The following ZNF281 variants were observed in gnomAD, a reference collection of about 807,000 sequenced individuals.
The protein encoded by ZNF281 is zinc finger protein 281.
ZNF281 carries 2 observed loss-of-function variants against 58.8 expected under a neutral mutation model. That is an observed-to-expected ratio of 0.03 (90% CI 0.01 to 0.11). ZNF281 has a LOEUF of 0.11. Among genes scored for constraint, ZNF281 ranks in the 10% least tolerant of loss-of-function variants. The pLI, the probability that ZNF281 is intolerant of heterozygous loss-of-function variation, is 1.00. For missense variants in ZNF281, 975 were observed against 1,090.7 expected, an observed-to-expected ratio of 0.89 and a Z score of 1.49; for synonymous variants, 465 against 407.7, an observed-to-expected ratio of 1.14 and a Z score of -1.69.
At position 200,407,472 on chromosome 1, in the gene ZNF281, G is replaced by C; in HGVS notation, c.2234C>G (p.Pro745Arg). The C allele has an allele frequency of 6.2e-7, 1 of 1,614,168 alleles. No homozygotes were observed. Among genetic ancestry groups the C allele is most frequent in the Non-Finnish European group, 8.5e-7 (1 of 1,180,032 alleles). Residue 745 changes from proline (P) to arginine (R), a missense_variant, in exon 2 of 2, where the codon CCA (proline) becomes CGA (arginine). By Grantham distance (103) the Pro-to-Arg change is moderately radical. Around this residue, in one of 3 missense-constraint regions of ZNF281, gnomAD observed 579 missense variants for 608.9 expected, o/e 0.95. Coordinates refer to ENST00000367353, the MANE Select transcript of ZNF281 (RefSeq NM_001281293.2). Reference sequence around the variant, plus strand: ...ATCCAAAGCAGACAAATAAAGACCTGGCTGAGATCCAAACAACATCCCAAA... The same window carrying C: ...ATCCAAAGCAGACAAATAAAGACCTCGCTGAGATCCAAACAACATCCCAAA... ...PPFGMLFGSQ[P>R]GLYLSALDAT...
At position 200,408,098 on chromosome 1, in the gene ZNF281, C is replaced by T; in HGVS notation, c.1608G>A (p.Gln536=). The change falls in exon 2 of 2, where the codon CAG becomes CAA. Residue 536 remains glutamine, a synonymous_variant. Coordinates refer to ENST00000367353, the MANE Select transcript of ZNF281 (RefSeq NM_001281293.2). ...GTAAATATCTTCTTTTCTTTGAAAA[C>T]TGCATGGCATCATCATAATTACTAC... ...QISSNYDDAM[Q]FSKKRRYLPT... 1.2e-6 allele frequency: 2 copies of T among 1,614,184 alleles called. No homozygotes were observed. The highest frequency in any genetic ancestry group is 1.1e-5 in the South Asian group (1 of 91,080).
Position 200,406,813 on chromosome 1 carries a change from A to G in ZNF281, c.*205T>C. Reference sequence around the variant, plus strand: ...ACATTGTCACTTTGAATGTCAAACTATTTTTAATCTATTGATTTTGATTAA... The same window carrying G: ...ACATTGTCACTTTGAATGTCAAACTGTTTTTAATCTATTGATTTTGATTAA... On this transcript the variant is annotated 3_prime_UTR_variant, in exon 2 of 2. Coordinates refer to ENST00000367353, the MANE Select transcript of ZNF281 (RefSeq NM_001281293.2). 1 of 476,216 alleles carries G rather than the reference A, an allele frequency of 2.1e-6. No individual in the cohort carries two copies. Among genetic ancestry groups the G allele is most frequent in the Middle Eastern group, 5.5e-4 (1 of 1,810 alleles). 29.5% of individuals were successfully genotyped at this position (476,216 alleles called of 1,614,324 possible).
In ZNF281 at chr1:200,406,806, T is replaced by C. The variant is rs1039095054; in HGVS notation, c.*212A>G. 4.4e-6 allele frequency: 2 copies of C among 450,864 alleles called. No homozygotes were observed. The highest frequency in any genetic ancestry group is 4.0e-5 in the African/African-American group (2 of 49,560). 27.9% of individuals were successfully genotyped at this position (450,864 alleles called of 1,614,324 possible). On this transcript the variant is annotated 3_prime_UTR_variant, in exon 2 of 2. Coordinates refer to ENST00000367353, the MANE Select transcript of ZNF281 (RefSeq NM_001281293.2). ...TTGCTAAACATTGTCACTTTGAATG[T>C]CAAACTATTTTTAATCTATTGATTT... is the stretch of plus-strand genomic sequence containing the variant.
At position 200,406,912 on chromosome 1, in the gene ZNF281, AT is replaced by A; in HGVS notation, c.*105del. 9.2e-7 allele frequency: 1 copy of A among 1,085,600 alleles called. No individual in the cohort carries two copies. The highest frequency in any genetic ancestry group is 1.6e-5 in the African/African-American group (1 of 63,516). 67.2% of individuals were successfully genotyped at this position (1,085,600 alleles called of 1,614,324 possible). ...ATATGAAAAGTTGCATTGAAAGGGC[AT>A]CACATTATTCTTAATAGGATCGTGT... On this transcript the variant is annotated 3_prime_UTR_variant, in exon 2 of 2. Transcript: ENST00000367353.
At position 200,408,962 on chromosome 1, in the gene ZNF281, A is replaced by G; in HGVS notation, c.744T>C (p.Asp248=). Residue 248 remains aspartate, a synonymous_variant, in exon 2 of 2, where the codon GAT becomes GAC. Coordinates refer to ENST00000367353, the MANE Select transcript of ZNF281 (RefSeq NM_001281293.2). ...TTGGGGAGAGGATGGCACCTTCTCC[A>G]TCTCCAACCAAAGAAGGTTTGGAAG... ...SASSKPSLVG[D]GEGAILSPSQ... 6.2e-7 allele frequency: 1 copy of G among 1,614,238 alleles called. No homozygotes were observed.
chr1:200,407,115 G>A lies in ZNF281; in HGVS notation c.2591C>T (p.Ser864Leu). 1 of 1,614,166 alleles carries A rather than the reference G, an allele frequency of 6.2e-7. No homozygotes were observed. Among genetic ancestry groups the A allele is most frequent in the African/African-American group, 1.3e-5 (1 of 75,038 alleles). ...TGTATACCCTGAGAAATCTGACACT[G>A]AAGTCCTTACTCTATGGTCCACTTC... ...NGEVDHRVRT[S>L]VSDFSGYTNM... The change falls in exon 2 of 2, where the codon TCA becomes TTA. Residue 864 changes from serine (S) to leucine (L), a missense_variant. Physicochemically the swap from Ser to Leu is moderately radical, Grantham distance 145. Around this residue, in one of 3 missense-constraint regions of ZNF281, gnomAD observed 579 missense variants for 608.9 expected, o/e 0.95. Transcript: ENST00000367353.
chr1:200,409,467 G>A lies in ZNF281; in HGVS notation c.239C>T (p.Ser80Phe), dbSNP rs1019226827. 6.5e-7 allele frequency: 1 copy of A among 1,544,206 alleles called. No individual in the cohort carries two copies. Among genetic ancestry groups the A allele is most frequent in the Admixed American group, 2.0e-5 (1 of 50,640 alleles). Residue 80 changes from serine to phenylalanine, a missense_variant, in exon 2 of 2, where the codon TCC becomes TTC. Transcript: ENST00000367353. ...AAPPPQCVLS[S>F]STSAAPAAEP... ...AGCGGCCGGGGCTGCGGAGGTAGAG[G>A]AGGATAACACGCATTGCGGGGGAGG...
chr1:200,409,113 C>G lies in ZNF281; in HGVS notation c.593G>C (p.Ser198Thr), dbSNP rs148334268. Residue 198 changes from serine (S) to threonine (T), a missense_variant, in exon 2 of 2, where the codon AGC (serine) becomes ACC (threonine). This residue lies in a region of ZNF281 where 370 missense variants were observed against 360.9 expected (regional missense o/e 1.03). Coordinates refer to ENST00000367353, the MANE Select transcript of ZNF281 (RefSeq NM_001281293.2). ...GTGGTCATCAGTCCTGCTACTGCTGCTGAGTAATACGTCACGGTGGTGCTG... is the reference window on the plus strand; with the variant it reads ...GTGGTCATCAGTCCTGCTACTGCTGGTGAGTAATACGTCACGGTGGTGCTG... ...PAQHHRDVLL[S>T]SSSRTDDHHG... The G allele has an allele frequency of 1.9e-6, 3 of 1,614,192 alleles. No individual in the cohort carries two copies. Among genetic ancestry groups the G allele is most frequent in the Non-Finnish European group, 2.5e-6 (3 of 1,180,036 alleles).
rs937096000 is a variant in ZNF281, at chr1:200,406,844, A to G, written c.*174T>C. 87 of 553,334 alleles carry G rather than the reference A, an allele frequency of 1.6e-4. No individual in the cohort carries two copies. Among genetic ancestry groups the G allele is most frequent in the Non-Finnish European group, 1.7e-4 (57 of 336,220 alleles). The allele number at this position is 553,334 out of a possible 1,614,324, so 34.3% of individuals were successfully genotyped here. A position where few individuals can be genotyped will look rare whatever the true frequency, so the allele number is the denominator to read the frequency against. On this transcript the variant is annotated 3_prime_UTR_variant, in exon 2 of 2. Coordinates refer to ENST00000367353, the MANE Select transcript of ZNF281 (RefSeq NM_001281293.2). The stretch of plus-strand genomic sequence containing the variant: ...AATCTATTGATTTTGATTAAAAATC[A>G]TAATACAAACAGAGCTAAAATCACG...
rs765415988 is a variant in ZNF281 at position 200,409,082 on chromosome 1, G to A, written c.624C>T (p.Gly208=). 6.2e-7 allele frequency: 1 copy of A among 1,614,150 alleles called. No individual in the cohort carries two copies. The highest frequency in any genetic ancestry group is 1.1e-5 in the South Asian group (1 of 91,074). The change falls in exon 2 of 2, where the codon GGC becomes GGT. Residue 208 remains glycine (G), a synonymous_variant. Coordinates refer to ENST00000367353, the MANE Select transcript of ZNF281 (RefSeq NM_001281293.2). ...TAGTGTCCTGCTTTGGCTCCTCAGT[G>A]CCATGGTGGTCATCAGTCCTGCTAC... ...SSSSRTDDHH[G]TEEPKQDTNV... is the part of the protein sequence containing the mutation.
chr1:200,406,524 T>C lies in ZNF281; in HGVS notation c.*494A>G, dbSNP rs1654454117. On this transcript the variant is annotated 3_prime_UTR_variant, in exon 2 of 2. Coordinates refer to ENST00000367353, the MANE Select transcript of ZNF281 (RefSeq NM_001281293.2). ...TGTCTATCAGCCCAGATAGAGCAATTTGAAATGTTTTCGATCCCTTACTTA... is the reference window on the plus strand; with the variant it reads ...TGTCTATCAGCCCAGATAGAGCAATCTGAAATGTTTTCGATCCCTTACTTA... 6.5e-6 allele frequency: 1 copy of C among 153,028 alleles called. No homozygotes were observed. The highest frequency in any genetic ancestry group is 1.5e-5 in the Non-Finnish European group (1 of 68,372). 9.5% of individuals were successfully genotyped at this position (153,028 alleles called of 1,614,324 possible).
At position 200,409,948 on chromosome 1, in the gene ZNF281, G is replaced by A; in HGVS notation, c.-21C>T. ...CTGGACCCACCGGCAATACTTACGG[G>A]TCCCGCCGCCGCCGCAGCCGCCGTC... On this transcript the variant is annotated splice_region_variant and 5_prime_UTR_variant, in exon 1 of 2. Coordinates refer to ENST00000367353, the MANE Select transcript of ZNF281 (RefSeq NM_001281293.2). The A allele has an allele frequency of 2.4e-6, 1 of 414,064 alleles. No individual in the cohort carries two copies. The highest frequency in any genetic ancestry group is 4.1e-6 in the Non-Finnish European group (1 of 241,844). 25.6% of individuals were successfully genotyped at this position (414,064 alleles called of 1,614,324 possible). A position where few individuals can be genotyped will look rare whatever the true frequency, so the allele number is the denominator to read the frequency against.
rs1439453525 is a variant in ZNF281 at position 200,409,297 on chromosome 1, C to T, written c.409G>A (p.Glu137Lys). 6.2e-7 allele frequency: 1 copy of T among 1,607,742 alleles called. No homozygotes were observed. Among genetic ancestry groups the T allele is most frequent in the East Asian group, 2.2e-5 (1 of 44,594 alleles). ...TGATGGTGGTGGTGGGACTGCTGCT[C>T]CTCAGGATCCGCGGGTTTCTCCTGT... ...IKQEKPADPE[E>K]QQSHHHHHHH... The change falls in exon 2 of 2, where the codon GAG becomes AAG. Residue 137 changes from glutamate to lysine, a missense_variant. Around this residue, in one of 3 missense-constraint regions of ZNF281, gnomAD observed 370 missense variants for 360.9 expected, o/e 1.03. Transcript: ENST00000367353.
At chr1:200,409,779 C>T in intron 1 of ZNF281, 56 bp from the exon 2 acceptor site, 2 of 1,512,470 alleles carry the variant, frequency 1.3e-6, no homozygotes, top group Admixed American at 2.1e-5. Flanking sequence ...AACCGGGCCC[C>T]GGGCCGGGAC....
At position 200,407,521 on chromosome 1, in the gene ZNF281, G is replaced by A; in HGVS notation, c.2185C>T (p.Pro729Ser). ...GFGQSVTSVLPSSLPKPPFGM... is the reference protein window; with the variant it reads ...GFGQSVTSVLSSSLPKPPFGM... ...AAAGGAGGCTTTGGCAATGAAGATG[G>A]CAACACTGAGGTAACAGATTGGCCG... Residue 729 changes from proline (P) to serine (S), a missense_variant, in exon 2 of 2, where the codon CCA becomes TCA. Transcript: ENST00000367353. 1 of 1,614,198 alleles carries A rather than the reference G, an allele frequency of 6.2e-7. No homozygotes were observed. The highest frequency in any genetic ancestry group is 1.1e-5 in the South Asian group (1 of 91,090).
Position 200,409,658 on chromosome 1 carries a change from ACTG to A in ZNF281, c.45_47del (p.Ser17del). 3 of 1,557,198 alleles carry A rather than the reference ACTG, an allele frequency of 1.9e-6. No homozygotes were observed. The highest frequency in any genetic ancestry group is 2.6e-6 in the Non-Finnish European group (3 of 1,153,748). On this transcript the variant is annotated inframe_deletion, in exon 2 of 2. Transcript: ENST00000367353. Reference sequence around the variant, plus strand: ...CGCCGCCGGAGCCGCTACCACCGCTACTGCCGGTACCTCCGCCGCCACTCAGGA... The same window carrying A: ...CGCCGCCGGAGCCGCTACCACCGCTACCGGTACCTCCGCCGCCACTCAGGA...
rs1463507611 is a variant in ZNF281, at chr1:200,406,541, C to T, written c.*477G>A. On this transcript the variant is annotated 3_prime_UTR_variant, in exon 2 of 2. Transcript: ENST00000367353. Reference sequence around the variant, plus strand: ...AGAGCAATTTGAAATGTTTTCGATCCCTTACTTAAATGATGAAATGTATAT... The same window carrying T: ...AGAGCAATTTGAAATGTTTTCGATCTCTTACTTAAATGATGAAATGTATAT... The T allele has an allele frequency of 6.5e-6, 1 of 152,928 alleles. No individual in the cohort carries two copies. The highest frequency in any genetic ancestry group is 2.4e-5 in the African/African-American group (1 of 41,434). The allele number at this position is 152,928 out of a possible 1,614,324, so 9.5% of individuals were successfully genotyped here.
Position 200,408,887 on chromosome 1 carries a change from G to A in ZNF281, c.819C>T (p.Ser273=), listed in dbSNP as rs773413652. ...CDHCSAAFRS[S]YHLRRHVLIH... ...TGAGGACATGTCTCCGCAGGTGATA[G>A]GAGCTTCGGAAAGCAGCACTACAGT... is the stretch of plus-strand genomic sequence containing the variant. Residue 273 remains serine (S), a synonymous_variant, in exon 2 of 2, where the codon TCC becomes TCT. Transcript: ENST00000367353. 4 of 1,614,246 alleles carry A rather than the reference G, an allele frequency of 2.5e-6. No individual in the cohort carries two copies. In the East Asian group the frequency reaches 6.7e-5, roughly 27 times the overall value.
chr1:200,407,579 T>C lies in ZNF281; in HGVS notation c.2127A>G (p.Gln709=). 6 of 1,614,230 alleles carry C rather than the reference T, an allele frequency of 3.7e-6. No homozygotes were observed. The highest frequency in any genetic ancestry group is 2.2e-5 in the East Asian group (1 of 44,890). ...LHNHTLFPEK[Q]IYTTSPLECG... is the part of the protein sequence containing the mutation. ...ACTCCAAAGGAGACGTAGTGTATAT[T>C]TGTTTTTCTGGAAACAAAGTGTGGT... Residue 709 remains glutamine, a synonymous_variant, in exon 2 of 2, where the codon CAA becomes CAG. Transcript: ENST00000367353.
Sources: gnomAD v4.1 joint callset for allele counts on GRCh38, gnomAD v4.1.1 for gene constraint, gnomAD v4.1.1 regional missense constraint, MANE v1.5 for transcripts, NCBI Gene and HGNC (gene_info 2026-07-23, HGNC 2026-07-21) for gene names.